The following HERC4 variants were observed in gnomAD, a reference collection of about 807,000 sequenced individuals.
HERC4 encodes the protein HECT and RLD domain containing E3 ubiquitin protein ligase 4, also known as probable E3 ubiquitin-protein ligase HERC4.
A neutral mutation model predicts 124.3 loss-of-function variants in HERC4; 28 were observed. That is an observed-to-expected ratio of 0.23 (90% CI 0.17 to 0.31). HERC4 has a LOEUF of 0.31. Ranked by LOEUF, HERC4 falls within the 10% of genes least tolerant of loss-of-function variation. HERC4 has a pLI of 1.00. For synonymous variants in HERC4, 407 were observed against 421.5 expected, an observed-to-expected ratio of 0.97 and a Z score of 0.42; for missense variants, 713 against 1,229.3, an observed-to-expected ratio of 0.58 and a Z score of 6.28.
intron 22 of HERC4, among the ~76,000 whole-genome samples, chr10:67,933,916 G>A (rs1027028174): frequency 5.9e-5 from 9 of 152,168 alleles, no homozygotes; most frequent in East Asian, 3.9e-4. Flanking sequence ...TCTAAGTAGC[G>A]GAATTAGGAT....
At chr10:68,016,446 G>A (rs1435527412) in intron 8 of HERC4, among the ~76,000 whole-genome samples, 3 of 152,058 alleles carry the variant, frequency 2.0e-5, no homozygotes, top group South Asian at 2.1e-4. Context: ...TCCGCCTCCC[G>A]GATTCAAGCG....
chr10:68,023,555 G>C (rs545526426), intron 8 of HERC4, among the ~76,000 whole-genome samples: 2 of 152,268 alleles, frequency 1.3e-5, no homozygotes, highest in South Asian at 4.1e-4. Context: ...AGAGTATGGA[G>C]AATAGGGAGT....
intron 3 of HERC4, among the ~76,000 whole-genome samples, chr10:68,056,475 G>C (rs973558477): frequency 4.6e-5 from 7 of 152,176 alleles, no homozygotes; most frequent in African/African-American, 1.7e-4. Context: ...GAAGATCATT[G>C]TAATGGGAAG....
chr10:67,968,936 C>T (rs1202705012), intron 15 of HERC4, among the ~76,000 whole-genome samples: 1 of 152,290 alleles, frequency 6.6e-6, no homozygotes, highest in African/African-American at 2.4e-5. Context: ...CCAACTTGCA[C>T]TCACTGTCAT....
At chr10:68,061,879 TAAAAAA>T (rs71470503) in intron 3 of HERC4, among the ~76,000 whole-genome samples, 235 of 54,882 alleles carry the variant, frequency 4.3e-3, no homozygotes, top group African/African-American at 0.017. Flanking sequence ...AGACTCCATT[TAAAAAA>T]AAAAAAAAAA....
chr10:67,967,143 C>T (rs575188718), intron 15 of HERC4, among the ~76,000 whole-genome samples: 2 of 152,322 alleles, frequency 1.3e-5, no homozygotes, highest in Admixed American at 6.5e-5. Flanking sequence ...CGTGAGCCAC[C>T]ACGCCTGGCC....
chr10:67,971,272 TTTC>T (rs2035216469), intron 15 of HERC4, among the ~76,000 whole-genome samples: 2 of 152,144 alleles, frequency 1.3e-5, no homozygotes, highest in African/African-American at 2.4e-5. Flanking sequence ...AGAAGGATCA[TTTC>T]TTAATTCATT....
chr10:67,945,208 GAGAAA>G (rs143437723), intron 19 of HERC4, among the ~76,000 whole-genome samples: 12,785 of 152,114 alleles, frequency 0.084, 973 homozygotes, highest in East Asian at 0.4. Context: ...AAAGCAGCAA[GAGAAA>G]AGAAACAACA....
chr10:67,992,676 T>C lies in HERC4; in HGVS notation c.1076A>G (p.Glu359Gly). 6.7e-7 allele frequency: 1 copy of C among 1,487,144 alleles called. No individual in the cohort carries two copies. Among genetic ancestry groups the C allele is most frequent in the Non-Finnish European group, 9.2e-7 (1 of 1,081,806 alleles). The allele number at this position is 1,487,144 out of a possible 1,614,324, so 92.1% of individuals were successfully genotyped here. The change falls in exon 10 of 25, where the codon GAA (glutamate) becomes GGA (glycine). Residue 359 changes from glutamate to glycine, a missense_variant. Coordinates refer to ENST00000373700, the MANE Select transcript of HERC4 (RefSeq NM_015601.4). ...AATTCTTTTTACACAGAAATATTCTTCAGAATCTGTAATAAAAATGTAAAA... is the reference window on the plus strand; with the variant it reads ...AATTCTTTTTACACAGAAATATTCTCCAGAATCTGTAATAAAAATGTAAAA... ...NGQCLPDIDS[E>G]EYFCVKRIFS...
At chr10:67,924,359 A>T (rs1434605504) in intron 24 of HERC4, among the ~76,000 whole-genome samples, 3 of 152,196 alleles carry the variant, frequency 2.0e-5, no homozygotes, top group African/African-American at 4.8e-5. Context: ...CATTCTGTAA[A>T]CATCATATAT....
At chr10:67,997,693 C>T (rs536880579) in intron 9 of HERC4, among the ~76,000 whole-genome samples, 3 of 152,072 alleles carry the variant, frequency 2.0e-5, no homozygotes, top group Admixed American at 6.5e-5. Context: ...TATCCTCTTG[C>T]TTTTCAAATT....
intron 16 of HERC4, among the ~76,000 whole-genome samples, chr10:67,964,446 C>T (rs905862598): frequency 6.6e-6 from 1 of 152,092 alleles, no homozygotes. Flanking sequence ...TCCAAGATTC[C>T]CTTTTATCTC....
intron 22 of HERC4, among the ~76,000 whole-genome samples, chr10:67,933,335 G>A (rs2032021516): frequency 1.3e-5 from 2 of 152,046 alleles, no homozygotes; most frequent in African/African-American, 4.8e-5. Flanking sequence ...TCAAATGTAC[G>A]TGTGAATACA....
intron 7 of HERC4, among the ~76,000 whole-genome samples, chr10:68,027,414 T>C (rs889291484): frequency 3.5e-4 from 54 of 152,222 alleles, no homozygotes; most frequent in African/African-American, 1.2e-3. Flanking sequence ...TTAAAGCAAA[T>C]TGTGGTCATC....
At chr10:68,022,158 T>C (rs575526884) in intron 8 of HERC4, among the ~76,000 whole-genome samples, 38 of 152,262 alleles carry the variant, frequency 2.5e-4, no homozygotes, top group African/African-American at 8.7e-4. Flanking sequence ...AACAGCATGG[T>C]CATGGACTGG....
At chr10:67,983,898 G>A (rs751578801) in intron 15 of HERC4, among the ~76,000 whole-genome samples, 6 of 152,086 alleles carry the variant, frequency 3.9e-5, no homozygotes, top group Non-Finnish European at 5.9e-5. Context: ...GGGAGACGGA[G>A]GTTGCAGTGA....
intron 3 of HERC4, among the ~76,000 whole-genome samples, chr10:68,059,793 CATAATATTATATATT>C (rs2040862126): frequency 1.6e-5 from 1 of 63,442 alleles, no homozygotes; most frequent in Non-Finnish European, 2.4e-5. Context: ...TATTATATAT[CATAATATTATATATT>C]ATAATATTAT....
chr10:67,923,818 A>T (rs1338333357), intron 24 of HERC4, among the ~76,000 whole-genome samples: 1 of 151,948 alleles, frequency 6.6e-6, no homozygotes, highest in Non-Finnish European at 1.5e-5. Context: ...GAATTTGACC[A>T]AGATTCTCGG....
At chr10:68,023,632 G>C (rs1212139449) in intron 8 of HERC4, among the ~76,000 whole-genome samples, 4 of 152,124 alleles carry the variant, frequency 2.6e-5, no homozygotes, top group Non-Finnish European at 5.9e-5. Flanking sequence ...GAATGGTGAT[G>C]ATGGTTTCAC....
Sources: allele counts gnomAD v4.1 joint callset (sites outside exome capture counted in the v4.1 genomes callset), GRCh38; gene constraint gnomAD v4.1.1; transcripts MANE v1.5; gene names NCBI Gene and HGNC (gene_info 2026-07-23, HGNC 2026-07-21).